COL23A1: variants seen among roughly 807,000 people sequenced by gnomAD.
COL23A1 encodes the protein collagen alpha-1(XXIII) chain.
Under a neutral mutation model 99.3 loss-of-function variants are expected in COL23A1, and 97 were observed. The ratio of observed to expected loss-of-function variants is 0.98; its 90% CI spans 0.83 to 1.16. The LOEUF (loss-of-function observed/expected upper bound fraction) is 1.16. COL23A1 is among the 50% of genes most tolerant of loss of function. COL23A1 has a pLI of 0.00. For missense variants in COL23A1, 762 were observed against 757.4 expected (o/e 1.01, Z -0.07); for synonymous variants, 320 against 308.2 (o/e 1.04, Z -0.40).
chr5:178,279,335 G>A (rs1377923618), intron 5 of COL23A1, among the ~76,000 whole-genome samples: 2 of 152,148 alleles, frequency 1.3e-5, no homozygotes, highest in Non-Finnish European at 2.9e-5. Context: ...CTCCCACAGT[G>A]ACCAGCCACA....
intron 2 of COL23A1, among the ~76,000 whole-genome samples, chr5:178,443,788 T>C (rs1039641766): frequency 3.9e-5 from 6 of 152,084 alleles, no homozygotes; most frequent in Non-Finnish European, 7.3e-5. Context: ...ATTTTTTTTT[T>C]ATTAGTTATT....
intron 2 of COL23A1, among the ~76,000 whole-genome samples, chr5:178,311,716 G>GT (rs1758690458): frequency 3.4e-5 from 2 of 58,986 alleles, no homozygotes; most frequent in South Asian, 8.1e-4. Flanking sequence ...CTGTGTAACT[G>GT]TTTTTTGTTT....
intron 2 of COL23A1, among the ~76,000 whole-genome samples, chr5:178,412,278 T>C (rs1187861566): frequency 6.6e-6 from 1 of 152,238 alleles, no homozygotes. Flanking sequence ...TTGTGTGAGT[T>C]TGTGGAGCAT....
At chr5:178,419,006 T>C (rs1765457689) in intron 2 of COL23A1, among the ~76,000 whole-genome samples, 1 of 152,218 alleles carries the variant, frequency 6.6e-6, no homozygotes, top group Admixed American at 6.5e-5. Flanking sequence ...GAATGAAGTC[T>C]GACCTATGGC....
At chr5:178,556,373 A>C (rs1020279999) in intron 2 of COL23A1, among the ~76,000 whole-genome samples, 4 of 152,192 alleles carry the variant, frequency 2.6e-5, no homozygotes, top group African/African-American at 7.2e-5. Flanking sequence ...CTATAATCCC[A>C]GTACTTTGGG....
rs536454322 is a variant in COL23A1, at chr5:178,254,283, C to T, written c.960+666G>A. Among the ~76,000 whole-genome samples, 31 of 143,368 alleles carry T rather than the reference C, an allele frequency of 2.2e-4. No homozygotes were observed. In the South Asian group the frequency reaches 2.7e-3, roughly 12 times the overall value. 94.1% of individuals were successfully genotyped at this position (143,368 alleles called of 152,430 possible). ...GTCTGGGCCATGCCACGCCACACCA[C>T]GCCACGCCACGCCACACCATGCATG... On this transcript the variant is annotated intron_variant, in intron 16 of 28. Coordinates refer to ENST00000390654, the MANE Select transcript of COL23A1 (RefSeq NM_173465.4).
At chr5:178,250,157 T>G (rs1287036084) in intron 17 of COL23A1, 52 bp from the exon 18 acceptor site, 1 of 1,609,176 alleles carries the variant, frequency 6.2e-7, no homozygotes, top group African/African-American at 1.3e-5. Context: ...CCTAAAGAGG[T>G]GTCAGCAGCC....
At chr5:178,549,785 A>T (rs1761906828) in intron 2 of COL23A1, among the ~76,000 whole-genome samples, 1 of 152,210 alleles carries the variant, frequency 6.6e-6, no homozygotes, top group African/African-American at 2.4e-5. Context: ...ATTGCACTCC[A>T]GCCTGGACAA....
At chr5:178,339,273 C>T (rs952637521) in intron 2 of COL23A1, among the ~76,000 whole-genome samples, 3 of 152,200 alleles carry the variant, frequency 2.0e-5, no homozygotes, top group African/African-American at 2.4e-5. Flanking sequence ...GGCAAAGCCA[C>T]GACCACAGTT....
chr5:178,502,419 CT>C (rs1328917770), intron 2 of COL23A1, among the ~76,000 whole-genome samples: 6 of 152,284 alleles, frequency 3.9e-5, no homozygotes, highest in African/African-American at 1.4e-4. Flanking sequence ...GCGTGAGCCA[CT>C]GCGCCCAGCC....
chr5:178,516,937 A>C (rs985657415), intron 2 of COL23A1, among the ~76,000 whole-genome samples: 1 of 152,240 alleles, frequency 6.6e-6, no homozygotes, highest in Non-Finnish European at 1.5e-5. Flanking sequence ...CCTGCGCAGA[A>C]AGCTGCAATA....
intron 2 of COL23A1, among the ~76,000 whole-genome samples, chr5:178,339,334 A>G (rs1429458385): frequency 6.6e-6 from 1 of 152,224 alleles, no homozygotes. Flanking sequence ...CGCCATCCTG[A>G]AAACCTTCTC....
At chr5:178,548,626 C>G (rs1761841499) in intron 2 of COL23A1, among the ~76,000 whole-genome samples, 1 of 151,326 alleles carries the variant, frequency 6.6e-6, no homozygotes, top group South Asian at 2.1e-4. Context: ...AATCTCGGCT[C>G]CCTGCAACCT....
chr5:178,548,046 C>A (rs1259885347), intron 2 of COL23A1, among the ~76,000 whole-genome samples: 8 of 41,724 alleles, frequency 1.9e-4, no homozygotes, highest in South Asian at 9.8e-4. Flanking sequence ...CACCCCCACA[C>A]CCACACACAC....
chr5:178,338,815 G>C (rs983727229), intron 2 of COL23A1, among the ~76,000 whole-genome samples: 11 of 152,222 alleles, frequency 7.2e-5, no homozygotes, highest in Non-Finnish European at 1.3e-4. Context: ...CCCACACAAG[G>C]GGGATCCTCT....
At chr5:178,357,743 C>T (rs4976721) in intron 2 of COL23A1, among the ~76,000 whole-genome samples, 101,053 of 149,652 alleles carry the variant, frequency 0.68, 33,895 homozygotes, top group South Asian at 0.75. Context: ...TGTGTATGTA[C>T]GTGTATGTGT....
chr5:178,369,818 C>CT (rs1762706394), intron 2 of COL23A1, among the ~76,000 whole-genome samples: 1 of 152,182 alleles, frequency 6.6e-6, no homozygotes, highest in South Asian at 2.1e-4. Flanking sequence ...TCAGGTATGT[C>CT]TTTATCATCA....
intron 2 of COL23A1, among the ~76,000 whole-genome samples, chr5:178,513,102 G>T (rs1420011473): frequency 6.6e-6 from 1 of 152,224 alleles, no homozygotes; most frequent in Admixed American, 6.5e-5. Context: ...GAGGAGGAAG[G>T]CTGGATGTTC....
chr5:178,353,392 C>A (rs1761440279), intron 2 of COL23A1, among the ~76,000 whole-genome samples: 1 of 152,052 alleles, frequency 6.6e-6, no homozygotes, highest in Admixed American at 6.6e-5. Flanking sequence ...AACACAAAAC[C>A]CCCCAAAGTA....
Sources: gnomAD v4.1 joint callset for allele counts (sites outside exome capture counted in the v4.1 genomes callset) on GRCh38, gnomAD v4.1.1 for gene constraint, MANE v1.5 for transcripts, NCBI Gene and HGNC (gene_info 2026-07-23, HGNC 2026-07-21) for gene names.